CNTN1: variants seen among roughly 807,000 people sequenced by gnomAD.
CNTN1 encodes contactin-1.
A neutral mutation model predicts 126.4 loss-of-function variants in CNTN1; 38 were observed. That is an observed-to-expected ratio of 0.30 (90% CI 0.23 to 0.39). The LOEUF is 0.39. CNTN1 is among the 10% of genes least tolerant of loss of function. The pLI, the probability that CNTN1 is intolerant of heterozygous loss-of-function variation, is 1.00. For synonymous variants in CNTN1, 413 were observed against 422.6 expected, an observed-to-expected ratio of 0.98 and a Z score of 0.28; for missense variants, 1,009 against 1,248.4, an observed-to-expected ratio of 0.81 and a Z score of 2.89.
At chr12:40,882,186 C>T (rs1261316544) in intron 1 of CNTN1, among the ~76,000 whole-genome samples, 1 of 151,360 alleles carries the variant, frequency 6.6e-6, no homozygotes, top group Non-Finnish European at 1.5e-5. Flanking sequence ...TTGGATAAGG[C>T]AACAAAAGAA....
chr12:40,795,276 C>T (rs1428876146), intron 1 of CNTN1, among the ~76,000 whole-genome samples: 1 of 16,252 alleles, frequency 6.2e-5, no homozygotes, highest in Non-Finnish European at 1.4e-4. Flanking sequence ...TACATGTATA[C>T]ACACACACAC....
chr12:40,867,172 G>A (rs1464731094), intron 1 of CNTN1, among the ~76,000 whole-genome samples: 2 of 152,210 alleles, frequency 1.3e-5, no homozygotes, highest in African/African-American at 4.8e-5. Flanking sequence ...GTAAATCACT[G>A]AATTCCAAGT....
chr12:40,759,536 G>A (rs781351733), intron 1 of CNTN1, among the ~76,000 whole-genome samples: 2 of 150,588 alleles, frequency 1.3e-5, no homozygotes, highest in Non-Finnish European at 2.9e-5. Flanking sequence ...AATGCTTATG[G>A]CACACTGCAT....
chr12:41,025,336 C>T lies in CNTN1; in HGVS notation c.2710C>T (p.Pro904Ser), dbSNP rs1406996207. ...GATTGAGGCTTTCACCAAGAAAGCA[C>T]GTGAGTCTCACGTTTTGTTTTTAGA... The part of the protein sequence containing the change: ...DMIEAFTKKA[P>S]PSQPPRIISS... Residue 904 changes from proline (P) to serine (S), a missense_variant and splice_region_variant, in exon 21 of 24, where the codon CCT (proline) becomes TCT (serine). Coordinates refer to ENST00000551295, the MANE Select transcript of CNTN1 (RefSeq NM_001843.4). The T allele has an allele frequency of 1.2e-6, 2 of 1,612,812 alleles. No homozygotes were observed.
chr12:40,747,088 C>A (rs1938215805), intron 1 of CNTN1, among the ~76,000 whole-genome samples: 1 of 152,030 alleles, frequency 6.6e-6, no homozygotes. Flanking sequence ...CACATTACAT[C>A]TAATGGAGAT....
chr12:40,737,355 G>GTATATATATA (rs1482206649), intron 1 of CNTN1, among the ~76,000 whole-genome samples: 3 of 17,362 alleles, frequency 1.7e-4, no homozygotes, highest in Admixed American at 9.9e-4. Context: ...ATATATGTGT[G>GTATATATATA]TGTGTATATA....
In CNTN1 at chr12:40,969,183, T is replaced by C. The variant is rs548722427; in HGVS notation, c.1804+9949T>C. Among the ~76,000 whole-genome samples, 16 of 152,308 alleles carry C rather than the reference T, an allele frequency of 1.1e-4. No individual in the cohort carries two copies. The East Asian group carries it at 2.1e-3, about 20-fold the overall frequency. ...TCTGCCATTTCCAGTCTCGTGACTA[T>C]GCAGTGCTTTCTTGAGGGAGCCTTT... On this transcript the variant is annotated intron_variant, in intron 15 of 23. Transcript: ENST00000551295.
intron 1 of CNTN1, among the ~76,000 whole-genome samples, chr12:40,852,229 A>G (rs1358381592): frequency 2.6e-5 from 4 of 152,210 alleles, no homozygotes; most frequent in Non-Finnish European, 5.9e-5. Flanking sequence ...GAAAGCAAAC[A>G]GGGCTGTCAG....
chr12:40,732,243 T>C (rs1942518647), intron 1 of CNTN1, among the ~76,000 whole-genome samples: 1 of 152,030 alleles, frequency 6.6e-6, no homozygotes. Flanking sequence ...TTATGTCTAT[T>C]TTCTAGCTAT....
chr12:40,936,970 TGG>T, intron 10 of CNTN1, 65 bp downstream of exon 10: 1 of 1,601,948 alleles, frequency 6.2e-7, no homozygotes, highest in Non-Finnish European at 8.5e-7. Context: ...AGGGTAGTCC[TGG>T]GATAAATTTA....
At chr12:40,729,991 ATTTGT>A (rs1942453369) in intron 1 of CNTN1, 1 of 152,142 alleles carries the variant, frequency 6.6e-6, no homozygotes, top group Non-Finnish European at 1.5e-5. Flanking sequence ...ATTTTTTATC[ATTTGT>A]TTTGTTTTGA....
chr12:41,019,166 A>G (rs1948851444), intron 19 of CNTN1, among the ~76,000 whole-genome samples: 1 of 152,166 alleles, frequency 6.6e-6, no homozygotes, highest in Admixed American at 6.5e-5. Flanking sequence ...CAAAAACAAA[A>G]CAAAACAACA....
At chr12:40,943,969 T>C in intron 13 of CNTN1, 26 bp from the exon 14 acceptor site, 1 of 1,601,174 alleles carries the variant, frequency 6.2e-7, no homozygotes, top group Non-Finnish European at 8.6e-7. Context: ...CTTCTTGAAT[T>C]GTGCTTTACA....
chr12:41,023,149 T>C (rs1948961792), intron 20 of CNTN1, among the ~76,000 whole-genome samples: 1 of 152,114 alleles, frequency 6.6e-6, no homozygotes, highest in Admixed American at 6.6e-5. Context: ...GCACTTCCCA[T>C]GAAAATGTAC....
At chr12:40,893,004 A>G (rs1944296073) in intron 1 of CNTN1, among the ~76,000 whole-genome samples, 1 of 152,042 alleles carries the variant, frequency 6.6e-6, no homozygotes, top group African/African-American at 2.4e-5. Flanking sequence ...ACATAAAAAT[A>G]TTTATTAAAA....
chr12:40,825,053 C>A (rs144808408), intron 1 of CNTN1, among the ~76,000 whole-genome samples: 340 of 152,228 alleles, frequency 2.2e-3, no homozygotes, highest in Non-Finnish European at 4.2e-3. Context: ...TTGGAGGCAA[C>A]AACTGACTGA....
chr12:40,851,546 G>T (rs1347198184), intron 1 of CNTN1, among the ~76,000 whole-genome samples: 2 of 151,788 alleles, frequency 1.3e-5, no homozygotes, highest in Non-Finnish European at 2.9e-5. Flanking sequence ...AGAATTATAT[G>T]CTCATTTTTG....
intron 1 of CNTN1, among the ~76,000 whole-genome samples, chr12:40,859,903 A>G (rs1183241707): frequency 6.6e-6 from 1 of 152,172 alleles, no homozygotes; most frequent in Non-Finnish European, 1.5e-5. Context: ...TTTAAAACTG[A>G]AGACTGCTTT....
chr12:40,721,796 G>T (rs1942223998), intron 1 of CNTN1, among the ~76,000 whole-genome samples: 1 of 147,962 alleles, frequency 6.8e-6, no homozygotes, highest in Non-Finnish European at 1.5e-5. Flanking sequence ...GTGAGAACAT[G>T]CAGTGTTTGG....
Sources: gnomAD v4.1 joint callset for allele counts (sites outside exome capture counted in the v4.1 genomes callset) on GRCh38, gnomAD v4.1.1 for gene constraint, MANE v1.5 for transcripts, NCBI Gene and HGNC (gene_info 2026-07-23, HGNC 2026-07-21) for gene names.